The following RAB3IP variants were observed in gnomAD, a reference collection of about 807,000 sequenced individuals.
RAB3IP encodes rab-3A-interacting protein.
RAB3IP carries 36 observed loss-of-function variants against 59.1 expected under a neutral mutation model. The observed-to-expected ratio is 0.61, with a 90% CI of 0.47 to 0.80. RAB3IP has a LOEUF of 0.80. Among genes scored for constraint, RAB3IP ranks in the 30% least tolerant of loss-of-function variants. The pLI, the probability that RAB3IP is intolerant of heterozygous loss-of-function variation, is 0.00. For synonymous variants in RAB3IP, 207 were observed against 191.2 expected, an observed-to-expected ratio of 1.08 and a Z score of -0.68; for missense variants, 511 against 536.0, an observed-to-expected ratio of 0.95 and a Z score of 0.46.
chr12:69,791,010 A>G (rs1016189600), intron 4 of RAB3IP, among the ~76,000 whole-genome samples: 2 of 152,198 alleles, frequency 1.3e-5, no homozygotes, highest in African/African-American at 2.4e-5. Context: ...GTGGACCAAT[A>G]GAAGAGAATA....
At chr12:69,785,217 G>T (rs1875443927) in intron 4 of RAB3IP, among the ~76,000 whole-genome samples, 1 of 152,142 alleles carries the variant, frequency 6.6e-6, no homozygotes, top group Admixed American at 6.5e-5. Flanking sequence ...CTTGTAAGAA[G>T]GCATACTTTT....
At chr12:69,758,846 T>G (rs112397788) in intron 3 of RAB3IP, among the ~76,000 whole-genome samples, 23,376 of 143,106 alleles carry the variant, frequency 0.16, 2,455 homozygotes, top group Non-Finnish European at 0.23. Flanking sequence ...TTGATGGTTG[T>G]TTTTTTTTTT....
At position 69,821,350 on chromosome 12, in the gene RAB3IP, A is replaced by G. The variant is rs1339743561; in HGVS notation, c.*5904A>G. 6.6e-6 allele frequency: 1 copy of G among 152,258 alleles called. No homozygotes were observed. The highest frequency in any genetic ancestry group is 1.5e-5 in the Non-Finnish European group (1 of 68,060). 9.4% of individuals were successfully genotyped at this position (152,258 alleles called of 1,614,324 possible). A position where few individuals can be genotyped will look rare whatever the true frequency, so the allele number is the denominator to read the frequency against. On this transcript the variant is annotated 3_prime_UTR_variant, in exon 11 of 11. Coordinates refer to ENST00000247833, the MANE Select transcript of RAB3IP (RefSeq NM_022456.5). ...AGAGAGTTGGAAAATGTAAGACGTA[A>G]AGACCATAATCAGGAAAATACGCAT...
At chr12:69,798,291 T>C (rs1177035711) in intron 6 of RAB3IP, among the ~76,000 whole-genome samples, 2 of 152,186 alleles carry the variant, frequency 1.3e-5, no homozygotes, top group Non-Finnish European at 2.9e-5. Flanking sequence ...TGAGCATTTT[T>C]TCATGTGTTT....
At position 69,766,433 on chromosome 12, in the gene RAB3IP, G is replaced by A. The variant is rs1049692975; in HGVS notation, c.510+9770G>A. Among the ~76,000 whole-genome samples the A allele has an allele frequency of 7.3e-5, 11 of 151,618 alleles. No homozygotes were observed. The South Asian group carries it at 1.2e-3, about 17-fold the overall frequency. ...AGCCCTGAAATTCTTTTTTCTGTTC[G>A]GTCCCATCTGTTGCTAAAGCTTTCA... On this transcript the variant is annotated intron_variant, in intron 3 of 10. Coordinates refer to ENST00000247833, the MANE Select transcript of RAB3IP (RefSeq NM_022456.5).
intron 8 of RAB3IP, among the ~76,000 whole-genome samples, chr12:69,811,502 G>A (rs1438112870): frequency 1.3e-5 from 2 of 152,182 alleles, no homozygotes; most frequent in African/African-American, 4.8e-5. Flanking sequence ...GCATATGTCT[G>A]TTTCCAGAAG....
chr12:69,794,146 T>G (rs1407857968), intron 4 of RAB3IP, among the ~76,000 whole-genome samples: 1 of 152,186 alleles, frequency 6.6e-6, no homozygotes, highest in African/African-American at 2.4e-5. Flanking sequence ...TTTGACACAT[T>G]GGTCATTGTT....
chr12:69,790,600 T>C lies in RAB3IP; in HGVS notation c.607-3837T>C, dbSNP rs147958297. Among the ~76,000 whole-genome samples, 462 of 152,228 alleles carry C rather than the reference T, an allele frequency of 3.0e-3. 2 individuals carry two copies. Among genetic ancestry groups the C allele is most frequent in the African/African-American group, 0.01 (430 of 41,536 alleles). On this transcript the variant is annotated intron_variant, in intron 4 of 10. Transcript: ENST00000247833. ...ATAGCCAAAGTAATTTTTTTTTTTTTCTGAGATGGAGTCTTGCTCTGTTGC... is the reference window on the plus strand; with the variant it reads ...ATAGCCAAAGTAATTTTTTTTTTTTCCTGAGATGGAGTCTTGCTCTGTTGC...
intron 1 of RAB3IP, among the ~76,000 whole-genome samples, chr12:69,744,143 A>T (rs1887612782): frequency 6.6e-6 from 1 of 150,476 alleles, no homozygotes; most frequent in Admixed American, 6.6e-5. Flanking sequence ...CTAGCCCGCC[A>T]CTCCCCCACA....
chr12:69,740,685 A>G (rs1887242081), intron 1 of RAB3IP, among the ~76,000 whole-genome samples: 2 of 152,280 alleles, frequency 1.3e-5, no homozygotes, highest in South Asian at 4.1e-4. Flanking sequence ...AGTTATCCAT[A>G]TGTTTCCTTT....
chr12:69,805,708 G>C (rs140921550), intron 8 of RAB3IP, among the ~76,000 whole-genome samples: 5 of 151,458 alleles, frequency 3.3e-5, no homozygotes, highest in African/African-American at 7.3e-5. Context: ...TAGCATGAAG[G>C]GTTGTTGAAT....
chr12:69,780,446 C>G (rs1356487503), intron 3 of RAB3IP, among the ~76,000 whole-genome samples: 1 of 152,186 alleles, frequency 6.6e-6, no homozygotes, highest in African/African-American at 2.4e-5. Context: ...GGCTGGCAAA[C>G]CCACCAGGGT....
At chr12:69,766,777 C>T (rs563851186) in intron 3 of RAB3IP, among the ~76,000 whole-genome samples, 35 of 151,996 alleles carry the variant, frequency 2.3e-4, no homozygotes, top group Admixed American at 1.1e-3. Flanking sequence ...CCACCCACTT[C>T]GGCCTCCCAA....
rs1565920757 is a variant in RAB3IP at position 69,801,650 on chromosome 12, A to G, written c.1059A>G (p.Leu353=). The G allele has an allele frequency of 6.2e-7, 1 of 1,612,928 alleles. No individual in the cohort carries two copies. Among genetic ancestry groups the G allele is most frequent in the Admixed American group, 1.7e-5 (1 of 59,950 alleles). Residue 353 remains leucine (L), a synonymous_variant, in exon 8 of 11, where the codon CTA becomes CTG. Transcript: ENST00000247833. ...TGGAGGCTGTGGAAAACAATACTCT[A>G]AGCATTGAACCAGTGGGATTACAAC... ...AVLEAVENNT[L]SIEPVGLQPI...
chr12:69,786,850 A>G (rs950945487), intron 4 of RAB3IP, among the ~76,000 whole-genome samples: 1 of 152,176 alleles, frequency 6.6e-6, no homozygotes, highest in Non-Finnish European at 1.5e-5. Flanking sequence ...TGGAGTCTCT[A>G]ACCTTTTCTA....
chr12:69,798,581 A>G (rs1027583620), intron 6 of RAB3IP, among the ~76,000 whole-genome samples: 6 of 152,152 alleles, frequency 3.9e-5, no homozygotes, highest in Admixed American at 6.5e-5. Context: ...TTGGTGTTTT[A>G]GACATGAAGT....
At chr12:69,808,141 G>A (rs1303484460) in intron 8 of RAB3IP, among the ~76,000 whole-genome samples, 5 of 152,164 alleles carry the variant, frequency 3.3e-5, no homozygotes, top group Non-Finnish European at 7.3e-5. Context: ...CCTTCATTTT[G>A]TTATGTACCC....
In RAB3IP at chr12:69,755,551, T is replaced by C; in HGVS notation, c.143T>C (p.Leu48Ser). The C allele has an allele frequency of 6.2e-7, 1 of 1,614,108 alleles. No individual in the cohort carries two copies. The highest frequency in any genetic ancestry group is 8.5e-7 in the Non-Finnish European group (1 of 1,180,028). ...ATCTACCGGCCACACCCTTCAGCTT[T>C]ATCCTCTGTACCTATCCAGGCAAAT... is the stretch of plus-strand genomic sequence containing the variant. ...SVIYRPHPSA[L>S]SSVPIQANAL... is the part of the protein sequence containing the mutation. Residue 48 changes from leucine to serine, a missense_variant, in exon 2 of 11, where the codon TTA becomes TCA. Coordinates refer to ENST00000247833, the MANE Select transcript of RAB3IP (RefSeq NM_022456.5).
In RAB3IP at chr12:69,784,830, A is replaced by G. The variant is rs1875359044; in HGVS notation, c.606+15A>G. 4 of 1,480,468 alleles carry G rather than the reference A, an allele frequency of 2.7e-6. No homozygotes were observed. The highest frequency in any genetic ancestry group is 3.7e-6 in the Non-Finnish European group (4 of 1,067,212). The allele number at this position is 1,480,468 out of a possible 1,614,324, so 91.7% of individuals were successfully genotyped here. ...GTCTATTTGAGGTTGGTCTATTTAC[A>G]TCTTGGCCAACAGCAACATCTTGAC... On this transcript the variant is annotated intron_variant, in intron 4 of 10. Coordinates refer to ENST00000247833, the MANE Select transcript of RAB3IP (RefSeq NM_022456.5).
Sources: gnomAD v4.1 joint callset for allele counts (sites outside exome capture counted in the v4.1 genomes callset) on GRCh38, gnomAD v4.1.1 for gene constraint, MANE v1.5 for transcripts, NCBI Gene and HGNC (gene_info 2026-07-23, HGNC 2026-07-21) for gene names.